PACSIN1: variants seen among roughly 807,000 people sequenced by gnomAD.
PACSIN1 encodes the protein protein kinase C and casein kinase substrate in neurons 1.
A neutral mutation model predicts 59.5 loss-of-function variants in PACSIN1; 15 were observed. The observed-to-expected ratio is 0.25, with a 90% CI of 0.17 to 0.39. The LOEUF is 0.39. PACSIN1 is among the 10% of genes least tolerant of loss of function. The probability of loss-of-function intolerance (pLI) is 1.00; values close to 1 mark genes in which losing one functional copy is unlikely to be tolerated. For missense variants in PACSIN1, 420 were observed against 580.2 expected, an observed-to-expected ratio of 0.72 and a Z score of 2.84; for synonymous variants, 210 against 220.6, an observed-to-expected ratio of 0.95 and a Z score of 0.42.
At chr6:34,520,266 G>A (rs1767365381) in intron 1 of PACSIN1, among the ~76,000 whole-genome samples, 1 of 152,218 alleles carries the variant, frequency 6.6e-6, no homozygotes, top group Admixed American at 6.5e-5. Flanking sequence ...CTGTGAGCCT[G>A]TCGGTCTATC....
intron 1 of PACSIN1, among the ~76,000 whole-genome samples, chr6:34,474,556 G>A (rs917284776): frequency 1.3e-5 from 2 of 152,166 alleles, no homozygotes; most frequent in Non-Finnish European, 1.5e-5. Context: ...TTGGGAGGCC[G>A]AGGCAGGTGG....
intron 1 of PACSIN1, among the ~76,000 whole-genome samples, chr6:34,480,155 A>G (rs1766694763): frequency 6.8e-6 from 1 of 147,842 alleles, no homozygotes; most frequent in Non-Finnish European, 1.5e-5. Context: ...TTAAATTAAC[A>G]TTTTCTTTTT....
intron 1 of PACSIN1, among the ~76,000 whole-genome samples, chr6:34,503,275 A>AAAAAAAAG (rs1554169152): frequency 6.7e-6 from 1 of 148,322 alleles, no homozygotes. Context: ...TCAAAAAAAA[A>AAAAAAAAG]AAAAAGAAAA....
chr6:34,530,190 G>A lies in PACSIN1; in HGVS notation c.789-53G>A, dbSNP rs2296575. 0.022 allele frequency: 33,929 copies of A among 1,561,430 alleles called. 1,149 individuals carry two copies. Among genetic ancestry groups the A allele is most frequent in the East Asian group, 0.12 (5,176 of 43,968 alleles). ...ACTCTGGCCTCTCACCAAGGTTGAGGAGGGGCCATGTTGAATCTGTGCCCT... is the reference window on the plus strand; with the variant it reads ...ACTCTGGCCTCTCACCAAGGTTGAGAAGGGGCCATGTTGAATCTGTGCCCT... On this transcript the variant is annotated intron_variant, in intron 6 of 9. Coordinates refer to ENST00000244458, the MANE Select transcript of PACSIN1 (RefSeq NM_020804.5). This position sits in a 1 kb window ranked among gnomAD's most constrained non-coding sequence, Gnocchi z 4.4.
chr6:34,475,741 G>GACACTGGCGGTACCCCACCTGATAGAAGT (rs1766630737), intron 1 of PACSIN1, among the ~76,000 whole-genome samples: 1 of 152,204 alleles, frequency 6.6e-6, no homozygotes, highest in Admixed American at 6.5e-5. Flanking sequence ...CTGATAGAAG[G>GACACTGGCGGTACCCCACCTGATAGAAGT]ACACTGGCAG....
At chr6:34,501,563 TC>T (rs1355800146) in intron 1 of PACSIN1, among the ~76,000 whole-genome samples, 1 of 152,112 alleles carries the variant, frequency 6.6e-6, no homozygotes, top group Non-Finnish European at 1.5e-5. Context: ...AGCTGTCAGC[TC>T]CCCCAGGATG....
chr6:34,527,541 A>T, intron 3 of PACSIN1, 53 bp downstream of exon 3: 1 of 1,501,990 alleles, frequency 6.7e-7, no homozygotes, highest in East Asian at 2.6e-5. Flanking sequence ...CGAGCCCCCT[A>T]GGTCTGGGTC....
At chr6:34,513,844 C>T (rs1767243588) in intron 1 of PACSIN1, among the ~76,000 whole-genome samples, 1 of 152,152 alleles carries the variant, frequency 6.6e-6, no homozygotes, top group African/African-American at 2.4e-5. Context: ...AGCAGACAGG[C>T]AAATCCTCCC....
chr6:34,516,137 G>T lies in PACSIN1; in HGVS notation c.-63-10106G>T, dbSNP rs964766613. On this transcript the variant is annotated intron_variant, in intron 1 of 9. Transcript: ENST00000244458. The surrounding 1 kb of genome is among the most constrained non-coding windows in gnomAD (Gnocchi z 5.4). Reference sequence around the variant, plus strand: ...CCCTTCTCCACCTGCTTTCTCTCCCGCACCCCCTGAGAGCCCAGCTGGGTC... The same window carrying T: ...CCCTTCTCCACCTGCTTTCTCTCCCTCACCCCCTGAGAGCCCAGCTGGGTC... 1.1e-4 allele frequency among the ~76,000 whole-genome samples: 16 copies of T among 152,212 alleles called. No individual in the cohort carries two copies. In the East Asian group the frequency reaches 2.9e-3, roughly 28 times the overall value.
intron 1 of PACSIN1, among the ~76,000 whole-genome samples, chr6:34,505,170 T>A (rs927105390): frequency 1.3e-5 from 2 of 151,518 alleles, no homozygotes; most frequent in African/African-American, 4.8e-5. Context: ...GATTTAAAAA[T>A]TTTTTTTTGT....
chr6:34,501,652 G>A (rs745978458), intron 1 of PACSIN1, among the ~76,000 whole-genome samples: 9 of 152,180 alleles, frequency 5.9e-5, no homozygotes, highest in African/African-American at 1.4e-4. Context: ...TGATGGTGGC[G>A]TGATAAGATA....
chr6:34,472,606 C>T (rs537966480), intron 1 of PACSIN1, among the ~76,000 whole-genome samples: 6 of 152,278 alleles, frequency 3.9e-5, no homozygotes, highest in African/African-American at 1.2e-4. Context: ...TCCCCTTAAT[C>T]TGATGGCATG....
chr6:34,485,471 C>T (rs1045160485), intron 1 of PACSIN1, among the ~76,000 whole-genome samples: 14 of 151,656 alleles, frequency 9.2e-5, no homozygotes, highest in African/African-American at 3.2e-4. Context: ...GGAGAGTCAG[C>T]GGGGTGTGGG....
chr6:34,486,122 C>T (rs1056567542), intron 1 of PACSIN1, among the ~76,000 whole-genome samples: 2 of 151,756 alleles, frequency 1.3e-5, no homozygotes, highest in Admixed American at 1.3e-4. Flanking sequence ...GAGCACATCC[C>T]AGCCCTGCAG....
rs550755281 is a variant in PACSIN1 at position 34,521,353 on chromosome 6, G to A, written c.-63-4890G>A. The stretch of plus-strand genomic sequence containing the variant: ...ATCCACACGGCGCCTTGGTCCACAC[G>A]AGGCCTGGCCTCTCCAGGCTCCTGC... On this transcript the variant is annotated intron_variant, in intron 1 of 9. Transcript: ENST00000244458. The surrounding 1 kb of genome is among the most constrained non-coding windows in gnomAD (Gnocchi z 4.3). Among the ~76,000 whole-genome samples the A allele has an allele frequency of 5.9e-5, 9 of 152,270 alleles. No homozygotes were observed. Among genetic ancestry groups the A allele is most frequent in the African/African-American group, 1.7e-4 (7 of 41,562 alleles).
chr6:34,531,195 T>C lies in PACSIN1; in HGVS notation c.1038-405T>C, dbSNP rs1031769024. ...CATTCATGCTCAAGTGCGTAAATATTACCATTTTACAGATGGAGAAACTGA... is the reference window on the plus strand; with the variant it reads ...CATTCATGCTCAAGTGCGTAAATATCACCATTTTACAGATGGAGAAACTGA... On this transcript the variant is annotated intron_variant, in intron 8 of 9. Transcript: ENST00000244458. This position sits in a 1 kb window ranked among gnomAD's most constrained non-coding sequence, Gnocchi z 4.4. 5.9e-5 allele frequency among the ~76,000 whole-genome samples: 9 copies of C among 152,198 alleles called. No individual in the cohort carries two copies. Among genetic ancestry groups the C allele is most frequent in the Non-Finnish European group, 1.2e-4 (8 of 68,024 alleles).
At chr6:34,498,731 T>C (rs1766982266) in intron 1 of PACSIN1, among the ~76,000 whole-genome samples, 1 of 144,254 alleles carries the variant, frequency 6.9e-6, no homozygotes, top group Non-Finnish European at 1.5e-5. Context: ...GGGAAGGTCA[T>C]GGCTGCAGTG....
At position 34,514,188 on chromosome 6, in the gene PACSIN1, C is replaced by T. The variant is rs553941885; in HGVS notation, c.-63-12055C>T. Among the ~76,000 whole-genome samples, 88 of 152,000 alleles carry T rather than the reference C, an allele frequency of 5.8e-4. 1 individual carries two copies. The South Asian group carries it at 0.013, about 22-fold the overall frequency. On this transcript the variant is annotated intron_variant, in intron 1 of 9. Transcript: ENST00000244458. The surrounding 1 kb of genome is among the most constrained non-coding windows in gnomAD (Gnocchi z 4.4). The stretch of plus-strand genomic sequence containing the variant: ...TTGGGGTGCACATGTCCTGGACACA[C>T]GAGTGCTTAGGGCCACCCATGTGTG...
intron 1 of PACSIN1, among the ~76,000 whole-genome samples, chr6:34,480,265 C>T (rs1581958898): frequency 6.9e-6 from 1 of 145,378 alleles, no homozygotes; most frequent in Non-Finnish European, 1.5e-5. Flanking sequence ...CACTCTGTCA[C>T]CCAGGCTGGA....
Sources: gnomAD v4.1 joint callset for allele counts (sites outside exome capture counted in the v4.1 genomes callset) on GRCh38, gnomAD v4.1.1 for gene constraint, Gnocchi (gnomAD v3.1) non-coding constraint, MANE v1.5 for transcripts, NCBI Gene and HGNC (gene_info 2026-07-23, HGNC 2026-07-21) for gene names.